Variants in ACACA observed in about 807,000 individuals in gnomAD.
The protein encoded by ACACA is acetyl-CoA carboxylase 1.
A neutral mutation model predicts 296.1 loss-of-function variants in ACACA; 103 were observed. The ratio of observed to expected loss-of-function variants is 0.35; its 90% CI spans 0.30 to 0.41. The LOEUF (loss-of-function observed/expected upper bound fraction) is 0.41, where lower values mean the gene tolerates loss of function less well. ACACA is among the 10% of genes least tolerant of loss of function. The pLI, the probability that ACACA is intolerant of heterozygous loss-of-function variation, is 1.00. For synonymous variants in ACACA, 953 were observed against 1,038.6 expected, an observed-to-expected ratio of 0.92 and a Z score of 1.58; for missense variants, 1,554 against 2,989.7, an observed-to-expected ratio of 0.52 and a Z score of 11.20.
chr17:37,318,914 GCT>G (rs2047216631), intron 3 of ACACA, among the ~76,000 whole-genome samples: 1 of 152,036 alleles, frequency 6.6e-6, no homozygotes, highest in Non-Finnish European at 1.5e-5. Flanking sequence ...AAACTAAAAA[GCT>G]CTGTCATAAA....
At chr17:37,226,677 T>A (rs1184561426) in intron 25 of ACACA, among the ~76,000 whole-genome samples, 1 of 152,218 alleles carries the variant, frequency 6.6e-6, no homozygotes, top group African/African-American at 2.4e-5. Flanking sequence ...ATTCCTAATG[T>A]ATTTCCTTAT....
chr17:37,339,428 T>C (rs1421451673), intron 2 of ACACA, among the ~76,000 whole-genome samples: 2 of 152,192 alleles, frequency 1.3e-5, no homozygotes, highest in Non-Finnish European at 2.9e-5. Flanking sequence ...AACGGTTACA[T>C]AGATTGGAGG....
At chr17:37,185,277 G>A (rs966372734) in intron 39 of ACACA, among the ~76,000 whole-genome samples, 24 of 152,140 alleles carry the variant, frequency 1.6e-4, no homozygotes, top group African/African-American at 5.8e-4. Context: ...CTCTCGCCCA[G>A]GCTGGAGTGT....
chr17:37,401,274 C>A (rs572072940), intron 1 of ACACA, among the ~76,000 whole-genome samples: 2 of 149,844 alleles, frequency 1.3e-5, no homozygotes, highest in Admixed American at 6.7e-5. Context: ...CTCACTGCAA[C>A]CTCCGCCTCC....
intron 24 of ACACA, among the ~76,000 whole-genome samples, chr17:37,238,893 C>A (rs1467370405): frequency 6.6e-6 from 1 of 152,144 alleles, no homozygotes; most frequent in East Asian, 1.9e-4. Flanking sequence ...GTGGTACAAT[C>A]ATAGCTCACT....
intron 35 of ACACA, 180 bp from the exon 36 acceptor site, chr17:37,193,595 C>A: frequency 2.1e-6 from 1 of 479,642 alleles, no homozygotes; most frequent in Non-Finnish European, 3.8e-6. Context: ...ACTTTGACCC[C>A]ATTTCCAAAT....
Position 37,155,672 on chromosome 17 carries a change from T to C in ACACA, c.5447+11A>G. On this transcript the variant is annotated intron_variant, in intron 43 of 55. Coordinates refer to ENST00000616317, the MANE Select transcript of ACACA (RefSeq NM_198834.3). ...GTCATGACCAAATTATTCCAATACA[T>C]ATATACCTACCTGGATTCTCCTTCA... 6.4e-7 allele frequency: 1 copy of C among 1,573,118 alleles called. No individual in the cohort carries two copies. The highest frequency in any genetic ancestry group is 8.7e-7 in the Non-Finnish European group (1 of 1,145,596).
rs182315657 is a variant in ACACA at position 37,402,988 on chromosome 17, C to A, written c.38+3274G>T. On this transcript the variant is annotated intron_variant, in intron 1 of 55. Coordinates refer to ENST00000616317, the MANE Select transcript of ACACA (RefSeq NM_198834.3). ...CACCCAGCCAGTGACTTCATTTTTA[C>A]TTTTGCCTTTACTTACTCATTTCAC... Among the ~76,000 whole-genome samples the A allele has an allele frequency of 4.6e-5, 7 of 152,264 alleles. No homozygotes were observed. In the East Asian group the frequency reaches 1.4e-3, roughly 29 times the overall value.
chr17:37,263,850 T>A lies in ACACA; in HGVS notation c.1164A>T (p.Leu388=). Residue 388 remains leucine (L), a synonymous_variant, in exon 11 of 56, where the codon CTA becomes CTT. Coordinates refer to ENST00000616317, the MANE Select transcript of ACACA (RefSeq NM_198834.3). ...CCTCCAGATGACGAGATTGTTTGGC[T>A]AGTCTCATCACAAATATGGGAGATC... ...VPGSPIFVMR[L]AKQSRHLEVQ... is the part of the protein sequence containing the mutation. 6.2e-7 allele frequency: 1 copy of A among 1,614,008 alleles called. No homozygotes were observed. The highest frequency in any genetic ancestry group is 8.5e-7 in the Non-Finnish European group (1 of 1,180,012).
intron 52 of ACACA, among the ~76,000 whole-genome samples, chr17:37,104,662 C>A (rs1285760973): frequency 6.6e-6 from 1 of 152,202 alleles, no homozygotes; most frequent in African/African-American, 2.4e-5. Flanking sequence ...TGAAGAGAGG[C>A]TGGACACGGT....
At chr17:37,201,679 A>G (rs2078256161) in intron 33 of ACACA, among the ~76,000 whole-genome samples, 1 of 152,218 alleles carries the variant, frequency 6.6e-6, no homozygotes, top group Non-Finnish European at 1.5e-5. Context: ...ACATATGAAT[A>G]GTACAAATAG....
At position 37,127,943 on chromosome 17, in the gene ACACA, G is replaced by T. The variant is rs537837940; in HGVS notation, c.5944+1422C>A. Among the ~76,000 whole-genome samples, 53 of 147,104 alleles carry T rather than the reference G, an allele frequency of 3.6e-4. No individual in the cohort carries two copies. In the Middle Eastern group the frequency reaches 0.011, roughly 30 times the overall value. On this transcript the variant is annotated intron_variant, in intron 47 of 55. Coordinates refer to ENST00000616317, the MANE Select transcript of ACACA (RefSeq NM_198834.3). ...GGCACAAAAAAAAGGGGAAAGAAGGGGTAAGTGGAGGCGGAGGTTGCAGTG... is the reference window on the plus strand; with the variant it reads ...GGCACAAAAAAAAGGGGAAAGAAGGTGTAAGTGGAGGCGGAGGTTGCAGTG...
chr17:37,185,729 C>T (rs1052031179), intron 39 of ACACA, among the ~76,000 whole-genome samples: 7 of 151,828 alleles, frequency 4.6e-5, no homozygotes, highest in South Asian at 2.1e-4. Context: ...CCACCACTCC[C>T]GGCTAATTTT....
In ACACA at chr17:37,342,406, C is replaced by CAAAAAA. The variant is rs1173872959; in HGVS notation, c.39-2562_39-2557dup. ...CTGTGGACAAAGTAAGACTGTCTCTCAAAAAAAAAAAAAAAAAAAAAAAAA... is the reference window on the plus strand; with the variant it reads ...CTGTGGACAAAGTAAGACTGTCTCTCAAAAAAAAAAAAAAAAAAAAAAAAAAAAAAA... On this transcript the variant is annotated intron_variant, in intron 1 of 55. Coordinates refer to ENST00000616317, the MANE Select transcript of ACACA (RefSeq NM_198834.3). 9.9e-4 allele frequency among the ~76,000 whole-genome samples: 21 copies of CAAAAAA among 21,114 alleles called. 1 individual carries two copies. Among genetic ancestry groups the CAAAAAA allele is most frequent in the African/African-American group, 1.2e-3 (7 of 5,778 alleles). The allele number at this position is 21,114 out of a possible 152,430, so 13.9% of individuals were successfully genotyped here.
At chr17:37,315,816 T>G (rs377131259) in intron 3 of ACACA, among the ~76,000 whole-genome samples, 1 of 152,150 alleles carries the variant, frequency 6.6e-6, no homozygotes, top group African/African-American at 2.4e-5. Flanking sequence ...ACTCTGTTGT[T>G]TACAAGGTTT....
chr17:37,214,456 C>T (rs2078897781), intron 29 of ACACA, among the ~76,000 whole-genome samples: 1 of 152,212 alleles, frequency 6.6e-6, no homozygotes, highest in South Asian at 2.1e-4. Flanking sequence ...AGAGCTACAG[C>T]ATATTACTGT....
intron 1 of ACACA, chr17:37,367,761 C>A (rs1033227622): frequency 2.0e-5 from 3 of 152,146 alleles, no homozygotes; most frequent in African/African-American, 7.2e-5. Context: ...CTTTATGGAT[C>A]CTCAATTAAT....
rs186785285 is a variant in ACACA, at chr17:37,289,506, A to G, written c.339-4536T>C. ...TCAACCCTCTAGGCACCTCCACTTC[A>G]TATCCCACGAGTATTTCAAAGTCTG... On this transcript the variant is annotated intron_variant, in intron 3 of 55. Coordinates refer to ENST00000616317, the MANE Select transcript of ACACA (RefSeq NM_198834.3). 4.3e-5 allele frequency: 58 copies of G among 1,351,864 alleles called. No homozygotes were observed. In the East Asian group the frequency reaches 2.5e-3, roughly 59 times the overall value. 83.7% of individuals were successfully genotyped at this position (1,351,864 alleles called of 1,614,324 possible). A position where few individuals can be genotyped will look rare whatever the true frequency, so the allele number is the denominator to read the frequency against.
intron 1 of ACACA, among the ~76,000 whole-genome samples, chr17:37,344,554 T>C (rs1449896086): frequency 6.6e-6 from 1 of 151,260 alleles, no homozygotes; most frequent in African/African-American, 2.4e-5. Flanking sequence ...CGAGACTCCT[T>C]CTCAAAAAAA....
Sources: allele counts gnomAD v4.1 joint callset (sites outside exome capture counted in the v4.1 genomes callset), GRCh38; gene constraint gnomAD v4.1.1; transcripts MANE v1.5; gene names NCBI Gene and HGNC (gene_info 2026-07-23, HGNC 2026-07-21).